Variants in PDZD8 observed in about 807,000 individuals in gnomAD.
The protein encoded by PDZD8 is PDZ domain containing 8, also known as PDZ domain-containing protein 8.
In PDZD8, 14 loss-of-function variants were observed where a neutral mutation model predicts 85.8. That is an observed-to-expected ratio of 0.16 (90% confidence interval 0.11 to 0.26). PDZD8 has a LOEUF of 0.26. PDZD8 is among the 10% of genes least tolerant of loss of function. PDZD8 has a pLI of 1.00. For synonymous variants in PDZD8, 592 were observed against 568.6 expected, an observed-to-expected ratio of 1.04 and a Z score of -0.59; for missense variants, 1,197 against 1,424.3, an observed-to-expected ratio of 0.84 and a Z score of 2.57.
At chr10:117,320,544 C>T (rs1442768103) in intron 2 of PDZD8, among the ~76,000 whole-genome samples, 1 of 151,934 alleles carries the variant, frequency 6.6e-6, no homozygotes, top group Admixed American at 6.6e-5. Context: ...CAAAAATTAA[C>T]TCAAAATTAA....
At chr10:117,297,717 C>A (rs1261018970) in intron 3 of PDZD8, among the ~76,000 whole-genome samples, 1 of 152,018 alleles carries the variant, frequency 6.6e-6, no homozygotes, top group East Asian at 1.9e-4. Context: ...CTGGATGTAA[C>A]CCCAATGTAA....
chr10:117,307,534 AT>A (rs1843964798), intron 3 of PDZD8, among the ~76,000 whole-genome samples: 1 of 152,100 alleles, frequency 6.6e-6, no homozygotes, highest in African/African-American at 2.4e-5. Context: ...CCTTTAAAAA[AT>A]ATAATGAATT....
chr10:117,347,486 T>A (rs1844728474), intron 1 of PDZD8, among the ~76,000 whole-genome samples: 1 of 152,206 alleles, frequency 6.6e-6, no homozygotes, highest in Non-Finnish European at 1.5e-5. Flanking sequence ...TGAAGTCTCA[T>A]GTCTCCCTGA....
At chr10:117,317,063 A>C (rs996581648) in intron 3 of PDZD8, among the ~76,000 whole-genome samples, 2 of 152,206 alleles carry the variant, frequency 1.3e-5, no homozygotes, top group African/African-American at 2.4e-5. Context: ...GGAGGAAGCT[A>C]TGTTCCTAGA....
intron 1 of PDZD8, among the ~76,000 whole-genome samples, chr10:117,353,844 G>A (rs1004210441): frequency 1.3e-5 from 2 of 152,100 alleles, no homozygotes; most frequent in African/African-American, 4.8e-5. Flanking sequence ...TAGAAAAATT[G>A]TTCTGTATAC....
chr10:117,371,652 G>C (rs1054582325), intron 1 of PDZD8, among the ~76,000 whole-genome samples: 1 of 152,120 alleles, frequency 6.6e-6, no homozygotes, highest in Non-Finnish European at 1.5e-5. Context: ...ATCTTACAAA[G>C]CGCCGGGCAA....
chr10:117,374,830 G>C lies in PDZD8; in HGVS notation c.398C>G (p.Thr133Ser), dbSNP rs1259211438. Residue 133 changes from threonine (T) to serine (S), a missense_variant, in exon 1 of 5, where the codon ACC becomes AGC. By Grantham distance (58) the Thr-to-Ser change is moderately conservative. Around this residue, in one of 4 missense-constraint regions of PDZD8, gnomAD observed 344 missense variants for 453.6 expected, o/e 0.76. Coordinates refer to ENST00000334464, the MANE Select transcript of PDZD8 (RefSeq NM_173791.5). The surrounding 1 kb of genome is among the most constrained non-coding windows in gnomAD (Gnocchi z 7.8). Reference protein sequence around the residue: ...IKVEFEELLQTKTAGRLLEGL... With the variant: ...IKVEFEELLQSKTAGRLLEGL... ...CTCCAGCAGGCGCCCGGCCGTCTTG[G>C]TCTGCAGCAGCTCCTCGAACTCCAC... 1.2e-6 allele frequency: 2 copies of C among 1,613,360 alleles called. No homozygotes were observed. Among genetic ancestry groups the C allele is most frequent in the Non-Finnish European group, 1.7e-6 (2 of 1,179,930 alleles).
At position 117,372,408 on chromosome 10, in the gene PDZD8, T is replaced by TA. The variant is rs5788228; in HGVS notation, c.872+1947dup. Among the ~76,000 whole-genome samples, 9 of 151,202 alleles carry TA rather than the reference T, an allele frequency of 6.0e-5. No homozygotes were observed. In the East Asian group the frequency reaches 7.8e-4, roughly 13 times the overall value. On this transcript the variant is annotated intron_variant, in intron 1 of 4. Transcript: ENST00000334464. ...ATTTACCTAAATTCCAAGTCTACAT[T>TA]AAAAAAAAAATCTCAAAATGATATG...
intron 3 of PDZD8, among the ~76,000 whole-genome samples, chr10:117,292,825 T>C (rs1049855803): frequency 5.3e-5 from 8 of 151,518 alleles, no homozygotes; most frequent in African/African-American, 1.9e-4. Context: ...CAATATTACA[T>C]TACCTCACTT....
chr10:117,354,754 C>T (rs188632013), intron 1 of PDZD8, among the ~76,000 whole-genome samples: 1 of 152,250 alleles, frequency 6.6e-6, no homozygotes, highest in East Asian at 1.9e-4. Context: ...AGTTTTGGCT[C>T]TATCACATTA....
At chr10:117,343,998 T>G (rs1337082544) in intron 1 of PDZD8, among the ~76,000 whole-genome samples, 1 of 152,206 alleles carries the variant, frequency 6.6e-6, no homozygotes, top group Non-Finnish European at 1.5e-5. Context: ...CATATCATCT[T>G]TCTTCAAAAT....
At chr10:117,364,211 AGT>A (rs1364760339) in intron 1 of PDZD8, among the ~76,000 whole-genome samples, 3 of 147,974 alleles carry the variant, frequency 2.0e-5, no homozygotes, top group Non-Finnish European at 3.0e-5. Flanking sequence ...TGTGTGTGAG[AGT>A]GTGTGTGTGT....
rs777308606 is a variant in PDZD8 at position 117,284,834 on chromosome 10, T to G, written c.1899A>C (p.Glu633Asp). ...TGGCATCCACATTTTTTGCTTGCTT[T>G]TCAGCAGATTTATCTACAAGAGGAG... ...VPPPLVDKSA[E>D]KQAKNVDAID... Residue 633 changes from glutamate to aspartate, a missense_variant, in exon 5 of 5, where the codon GAA (glutamate) becomes GAC (aspartate). Glu to Asp is a conservative substitution (Grantham distance 45). Around this residue, in one of 4 missense-constraint regions of PDZD8, gnomAD observed 263 missense variants for 261.9 expected, o/e 1.00. Transcript: ENST00000334464. 6.2e-7 allele frequency: 1 copy of G among 1,614,220 alleles called. No homozygotes were observed. Among genetic ancestry groups the G allele is most frequent in the South Asian group, 1.1e-5 (1 of 91,084 alleles).
intron 3 of PDZD8, among the ~76,000 whole-genome samples, chr10:117,316,835 T>C (rs1294346179): frequency 6.6e-6 from 1 of 152,224 alleles, no homozygotes; most frequent in Non-Finnish European, 1.5e-5. Context: ...TACTGTACTT[T>C]CTTGCTGCTG....
chr10:117,301,247 G>C (rs915421629), intron 3 of PDZD8, among the ~76,000 whole-genome samples: 16 of 152,056 alleles, frequency 1.1e-4, no homozygotes, highest in Non-Finnish European at 4.4e-5. Context: ...GCCTCCCAAA[G>C]TGCTGGGATT....
chr10:117,326,044 G>T (rs997696497), intron 2 of PDZD8, among the ~76,000 whole-genome samples: 3 of 152,108 alleles, frequency 2.0e-5, no homozygotes, highest in African/African-American at 7.2e-5. Flanking sequence ...TGTGAAGAAG[G>T]TGCCTGCTTC....
intron 2 of PDZD8, among the ~76,000 whole-genome samples, chr10:117,319,441 T>C (rs1423613408): frequency 6.8e-6 from 1 of 146,590 alleles, no homozygotes; most frequent in Non-Finnish European, 1.5e-5. Context: ...ACACTCTTCA[T>C]CTACTAATGT....
intron 1 of PDZD8, among the ~76,000 whole-genome samples, chr10:117,342,462 C>T (rs1348665211): frequency 6.7e-6 from 1 of 150,264 alleles, no homozygotes; most frequent in East Asian, 1.9e-4. Context: ...ATTTAAGGTC[C>T]ACCACAATTA....
rs537229301 is a variant in PDZD8 at position 117,277,910 on chromosome 10, T to C, written c.*5358A>G. Reference sequence around the variant, plus strand: ...TACCTAGAGAGAGTTGTAAATTATATGTTAACATGTTATCTGGTTGGCAGC... The same window carrying C: ...TACCTAGAGAGAGTTGTAAATTATACGTTAACATGTTATCTGGTTGGCAGC... On this transcript the variant is annotated 3_prime_UTR_variant, in exon 5 of 5. Coordinates refer to ENST00000334464, the MANE Select transcript of PDZD8 (RefSeq NM_173791.5). 5 of 152,200 alleles carry C rather than the reference T, an allele frequency of 3.3e-5. No individual in the cohort carries two copies. Among genetic ancestry groups the C allele is most frequent in the Non-Finnish European group, 5.9e-5 (4 of 68,028 alleles). The allele number at this position is 152,200 out of a possible 1,614,324, so 9.4% of individuals were successfully genotyped here.
Sources: gnomAD v4.1 joint callset for allele counts (sites outside exome capture counted in the v4.1 genomes callset) on GRCh38, gnomAD v4.1.1 for gene constraint, gnomAD v4.1.1 regional missense constraint, Gnocchi (gnomAD v3.1) non-coding constraint, MANE v1.5 for transcripts, NCBI Gene and HGNC (gene_info 2026-07-23, HGNC 2026-07-21) for gene names.